The following TMTC2 variants were observed in gnomAD, a reference collection of about 807,000 sequenced individuals.
The protein encoded by TMTC2 is transmembrane O-mannosyltransferase targeting cadherins 2, also known as protein O-mannosyl-transferase TMTC2.
TMTC2 carries 43 observed loss-of-function variants against 82.4 expected under a neutral mutation model. That is an observed-to-expected ratio of 0.52 (90% CI 0.41 to 0.67). The LOEUF is 0.67. TMTC2 is among the 30% of genes least tolerant of loss of function. TMTC2 has a pLI of 0.00. For synonymous variants in TMTC2, 408 were observed against 381.9 expected, an observed-to-expected ratio of 1.07 and a Z score of -0.80; for missense variants, 919 against 1,012.4, an observed-to-expected ratio of 0.91 and a Z score of 1.25.
Position 82,723,122 on chromosome 12 carries a change from G to C in TMTC2, c.83+35453G>C, listed in dbSNP as rs537577746. On this transcript the variant is annotated intron_variant, in intron 1 of 11. Coordinates refer to ENST00000321196, the MANE Select transcript of TMTC2 (RefSeq NM_152588.3). The stretch of plus-strand genomic sequence containing the variant: ...CACATCAATAAATTAGGATTCAGTT[G>C]ATCATCATTTGACTTAAAGGAGAAA... Among the ~76,000 whole-genome samples the C allele has an allele frequency of 5.9e-5, 9 of 152,296 alleles. No homozygotes were observed. In the South Asian group the frequency reaches 1.9e-3, roughly 32 times the overall value.
intron 8 of TMTC2, among the ~76,000 whole-genome samples, chr12:82,993,814 A>G (rs1013913173): frequency 6.6e-5 from 10 of 152,188 alleles, no homozygotes; most frequent in African/African-American, 2.4e-4. Flanking sequence ...TAATGAGTGT[A>G]GAAAGACAGA....
At chr12:82,720,924 T>G (rs1241349496) in intron 1 of TMTC2, among the ~76,000 whole-genome samples, 2 of 152,238 alleles carry the variant, frequency 1.3e-5, no homozygotes, top group Admixed American at 1.3e-4. Flanking sequence ...ACATTTTATT[T>G]GGGTCTAGAA....
chr12:83,024,298 G>A (rs1881068308), intron 8 of TMTC2, among the ~76,000 whole-genome samples: 1 of 151,962 alleles, frequency 6.6e-6, no homozygotes, highest in South Asian at 2.1e-4. Context: ...CCTTTTATTT[G>A]TAAATGATGG....
chr12:82,879,664 T>C (rs1469088709), intron 2 of TMTC2, among the ~76,000 whole-genome samples: 1 of 152,182 alleles, frequency 6.6e-6, no homozygotes, highest in African/African-American at 2.4e-5. Flanking sequence ...CTTCTACCCA[T>C]TGGGTGGTGA....
intron 1 of TMTC2, among the ~76,000 whole-genome samples, chr12:82,782,611 A>T (rs541641697): frequency 6.6e-6 from 1 of 152,178 alleles, no homozygotes; most frequent in African/African-American, 2.4e-5. Context: ...TGGAGAGCTG[A>T]TTACAAAGGC....
At chr12:82,779,971 G>T (rs963748352) in intron 1 of TMTC2, among the ~76,000 whole-genome samples, 1 of 152,062 alleles carries the variant, frequency 6.6e-6, no homozygotes, top group African/African-American at 2.4e-5. Flanking sequence ...TCATCCATTC[G>T]ACTGCTACTT....
intron 9 of TMTC2, among the ~76,000 whole-genome samples, chr12:83,031,108 A>G (rs1881412969): frequency 6.6e-6 from 1 of 152,142 alleles, no homozygotes; most frequent in South Asian, 2.1e-4. Context: ...GGATGGCATT[A>G]CACAGTTGTT....
At chr12:82,893,551 G>C (rs543267526) in intron 2 of TMTC2, among the ~76,000 whole-genome samples, 2 of 152,056 alleles carry the variant, frequency 1.3e-5, no homozygotes, top group Admixed American at 1.3e-4. Context: ...TATTGTATCT[G>C]ATATTAATGA....
At chr12:83,060,283 A>G (rs1483471252) in intron 10 of TMTC2, among the ~76,000 whole-genome samples, 4 of 151,904 alleles carry the variant, frequency 2.6e-5, no homozygotes, top group Non-Finnish European at 5.9e-5. Context: ...AATATGTCCT[A>G]CACTCCAGAG....
chr12:82,787,081 AG>A (rs1878212849), intron 1 of TMTC2, among the ~76,000 whole-genome samples: 1 of 152,108 alleles, frequency 6.6e-6, no homozygotes, highest in Non-Finnish European at 1.5e-5. Flanking sequence ...GTTGGGGGCT[AG>A]GGTTACATAT....
At chr12:82,733,123 A>G (rs879291967) in intron 1 of TMTC2, among the ~76,000 whole-genome samples, 1 of 152,212 alleles carries the variant, frequency 6.6e-6, no homozygotes, top group Non-Finnish European at 1.5e-5. Flanking sequence ...ATGCATACGT[A>G]AATACTGTTA....
intron 1 of TMTC2, among the ~76,000 whole-genome samples, chr12:82,695,408 G>C (rs923157462): frequency 6.6e-6 from 1 of 152,108 alleles, no homozygotes; most frequent in African/African-American, 2.4e-5. Flanking sequence ...TAATCTGTTA[G>C]GTCATAGATC....
chr12:83,080,780 C>A lies in TMTC2; in HGVS notation c.2331+18949C>A, dbSNP rs115005029. ...TTGTCCAGAGTATCTAATCATTAAT[C>A]ATTAGAGTGGAGAAGTGCTGTTCTT... is the stretch of plus-strand genomic sequence containing the variant. On this transcript the variant is annotated intron_variant, in intron 11 of 11. Coordinates refer to ENST00000321196, the MANE Select transcript of TMTC2 (RefSeq NM_152588.3). 5.0e-3 allele frequency among the ~76,000 whole-genome samples: 760 copies of A among 152,246 alleles called. 4 individuals carry two copies. The highest frequency in any genetic ancestry group is 0.017 in the African/African-American group (724 of 41,556).
intron 10 of TMTC2, among the ~76,000 whole-genome samples, chr12:83,061,538 T>C (rs1325132170): frequency 5.9e-5 from 9 of 151,736 alleles, no homozygotes; most frequent in Admixed American, 5.9e-4. Context: ...TATGTAAATG[T>C]GAAATAACAC....
intron 2 of TMTC2, among the ~76,000 whole-genome samples, chr12:82,877,455 A>T (rs915786064): frequency 6.6e-6 from 1 of 152,204 alleles, no homozygotes; most frequent in Non-Finnish European, 1.5e-5. Flanking sequence ...AGTGAAGTAG[A>T]TATTTTAAGA....
At chr12:83,037,193 T>C (rs1013928458) in intron 9 of TMTC2, among the ~76,000 whole-genome samples, 2 of 152,184 alleles carry the variant, frequency 1.3e-5, no homozygotes, top group Non-Finnish European at 2.9e-5. Context: ...TGGAGGACAG[T>C]GTTAAAATAA....
chr12:83,051,957 C>T (rs1181727233), intron 10 of TMTC2, among the ~76,000 whole-genome samples: 1 of 151,834 alleles, frequency 6.6e-6, no homozygotes, highest in Non-Finnish European at 1.5e-5. Context: ...TGATTTATAT[C>T]GTTGTTTAAA....
At chr12:82,940,401 G>A (rs1876648496) in intron 4 of TMTC2, among the ~76,000 whole-genome samples, 1 of 151,756 alleles carries the variant, frequency 6.6e-6, no homozygotes, top group South Asian at 2.1e-4. Flanking sequence ...ACATATTTGA[G>A]GTTAATTTAT....
chr12:83,055,067 C>T (rs1348575864), intron 10 of TMTC2, among the ~76,000 whole-genome samples: 1 of 152,012 alleles, frequency 6.6e-6, no homozygotes, highest in Non-Finnish European at 1.5e-5. Flanking sequence ...GCAGCTTTTA[C>T]AGTTCAGGAG....
Sources: allele counts gnomAD v4.1 joint callset (sites outside exome capture counted in the v4.1 genomes callset), GRCh38; gene constraint gnomAD v4.1.1; transcripts MANE v1.5; gene names NCBI Gene and HGNC (gene_info 2026-07-23, HGNC 2026-07-21).